The following PLPPR1 variants were observed in gnomAD, a reference collection of about 807,000 sequenced individuals.
PLPPR1 encodes the protein phospholipid phosphatase-related protein type 1.
PLPPR1 carries 10 observed loss-of-function variants against 33.1 expected under a neutral mutation model. The observed-to-expected ratio is 0.30, with a 90% CI of 0.19 to 0.51. PLPPR1 has a LOEUF of 0.51. Among genes scored for constraint, PLPPR1 ranks in the 20% least tolerant of loss-of-function variants. The pLI, the probability that PLPPR1 is intolerant of heterozygous loss-of-function variation, is 0.97. For missense variants in PLPPR1, 304 were observed against 408.1 expected, an observed-to-expected ratio of 0.74 and a Z score of 2.20; for synonymous variants, 151 against 151.0, an observed-to-expected ratio of 1.00 and a Z score of 0.00.
chr9:101,221,616 C>T (rs1294077359), intron 2 of PLPPR1, among the ~76,000 whole-genome samples: 4 of 152,108 alleles, frequency 2.6e-5, no homozygotes, highest in Non-Finnish European at 5.9e-5. Flanking sequence ...TTTCTACAAC[C>T]ACCCTGAGGT....
intron 3 of PLPPR1, among the ~76,000 whole-genome samples, chr9:101,282,577 AAG>A (rs1190665323): frequency 6.6e-6 from 1 of 152,240 alleles, no homozygotes; most frequent in African/African-American, 2.4e-5. Context: ...TGGCAAGAGA[AAG>A]AAAGAAAAGG....
Position 101,028,912 on chromosome 9 carries a change from C to A in PLPPR1, c.-236C>A, listed in dbSNP as rs1829902434. 1 of 150,616 alleles carries A rather than the reference C, an allele frequency of 6.6e-6. No individual in the cohort carries two copies. The highest frequency in any genetic ancestry group is 2.5e-5 in the African/African-American group (1 of 39,604). 9.3% of individuals were successfully genotyped at this position (150,616 alleles called of 1,614,324 possible). Reference sequence around the variant, plus strand: ...ACAAACACGGACACACACATACACACACTCGCGCACACACTCGCACAAACA... The same window carrying A: ...ACAAACACGGACACACACATACACAAACTCGCGCACACACTCGCACAAACA... On this transcript the variant is annotated 5_prime_UTR_variant, in exon 1 of 8. Transcript: ENST00000374874.
intron 1 of PLPPR1, among the ~76,000 whole-genome samples, chr9:101,136,875 C>T (rs1323201713): frequency 6.6e-6 from 1 of 151,964 alleles, no homozygotes; most frequent in Non-Finnish European, 1.5e-5. Flanking sequence ...AATATAGTTA[C>T]ATAGAATGAA....
rs896736599 is a variant in PLPPR1 at position 101,075,761 on chromosome 9, A to G, written c.-46+46659A>G. 9.8e-5 allele frequency among the ~76,000 whole-genome samples: 15 copies of G among 152,346 alleles called. No homozygotes were observed. In the Middle Eastern group the frequency reaches 0.01, roughly 104 times the overall value. On this transcript the variant is annotated intron_variant, in intron 1 of 7. Transcript: ENST00000374874. ...AATAAGCATATAAGCAATTAATGAT[A>G]GCGTACCTTCAGATAGAGATGAGTG...
intron 4 of PLPPR1, 94 bp downstream of exon 4, chr9:101,286,330 T>C (rs572384457): frequency 1.6e-6 from 2 of 1,242,394 alleles, no homozygotes; most frequent in South Asian, 3.6e-5. Flanking sequence ...AGTATCAACA[T>C]TAAAAGCAAG....
At chr9:101,193,414 G>A (rs1022292526) in intron 2 of PLPPR1, among the ~76,000 whole-genome samples, 2 of 152,186 alleles carry the variant, frequency 1.3e-5, no homozygotes, top group African/African-American at 4.8e-5. Flanking sequence ...AATCTCATAA[G>A]TATAAGATAT....
At chr9:101,194,883 T>G (rs1826368708) in intron 2 of PLPPR1, among the ~76,000 whole-genome samples, 2 of 152,222 alleles carry the variant, frequency 1.3e-5, no homozygotes, top group Admixed American at 1.3e-4. Flanking sequence ...AATACATATA[T>G]TGACCCAGGC....
At chr9:101,259,509 G>T (rs1827858707) in intron 2 of PLPPR1, among the ~76,000 whole-genome samples, 1 of 152,146 alleles carries the variant, frequency 6.6e-6, no homozygotes, top group Non-Finnish European at 1.5e-5. Context: ...AGATCAAAGA[G>T]CCAGCAGATT....
intron 7 of PLPPR1, among the ~76,000 whole-genome samples, chr9:101,320,000 C>T (rs1447767801): frequency 6.6e-6 from 1 of 152,182 alleles, no homozygotes; most frequent in African/African-American, 2.4e-5. Context: ...TCTTAATTCT[C>T]AGGGCCACTG....
In PLPPR1 at chr9:101,086,640, G is replaced by A. The variant is rs374736717; in HGVS notation, c.-46+57538G>A. Among the ~76,000 whole-genome samples, 12 of 152,276 alleles carry A rather than the reference G, an allele frequency of 7.9e-5. No individual in the cohort carries two copies. In the East Asian group the frequency reaches 1.4e-3, roughly 17 times the overall value. ...AATCTGAGACTCTCACCCAACATTT[G>A]TTCTAGTATCAGAGGTTTCAGTCAC... On this transcript the variant is annotated intron_variant, in intron 1 of 7. Coordinates refer to ENST00000374874, the MANE Select transcript of PLPPR1 (RefSeq NM_207299.2).
intron 1 of PLPPR1, among the ~76,000 whole-genome samples, chr9:101,108,314 G>T (rs1377280952): frequency 2.0e-5 from 3 of 152,184 alleles, no homozygotes; most frequent in African/African-American, 7.2e-5. Flanking sequence ...ACCAGGAGTT[G>T]TCAGATAGTA....
chr9:101,093,172 A>G (rs1257175219), intron 1 of PLPPR1, among the ~76,000 whole-genome samples: 1 of 152,218 alleles, frequency 6.6e-6, no homozygotes, highest in Non-Finnish European at 1.5e-5. Flanking sequence ...TTTGATAAGA[A>G]TAACAATAGC....
chr9:101,280,944 AGAAG>A lies in PLPPR1; in HGVS notation c.253-5156_253-5153del, dbSNP rs1253502154. ...TAGAGCAATCAGACAAAAGAAAGAA[AGAAG>A]GAACATCCAAATTGGACAGGAAGTC... is the stretch of plus-strand genomic sequence containing the variant. On this transcript the variant is annotated intron_variant, in intron 3 of 7. Coordinates refer to ENST00000374874, the MANE Select transcript of PLPPR1 (RefSeq NM_207299.2). Among the ~76,000 whole-genome samples the A allele has an allele frequency of 3.9e-5, 6 of 152,270 alleles. No homozygotes were observed. In the East Asian group the frequency reaches 1.2e-3, roughly 29 times the overall value.
At chr9:101,224,636 A>G (rs1827023844) in intron 2 of PLPPR1, among the ~76,000 whole-genome samples, 1 of 152,108 alleles carries the variant, frequency 6.6e-6, no homozygotes, top group African/African-American at 2.4e-5. Context: ...TTCAAATAAC[A>G]TTGCTTCATT....
chr9:101,286,065 G>T, intron 3 of PLPPR1, 39 bp from the exon 4 acceptor site: 1 of 1,586,196 alleles, frequency 6.3e-7, no homozygotes, highest in Non-Finnish European at 8.6e-7. Context: ...TTATCAAACA[G>T]ATCTCCAACT....
intron 2 of PLPPR1, among the ~76,000 whole-genome samples, chr9:101,258,398 A>C: frequency 6.6e-6 from 1 of 152,140 alleles, no homozygotes; most frequent in East Asian, 1.9e-4. Context: ...CTTCATCTTT[A>C]TATTTCTCTC....
At chr9:101,300,668 A>C (rs1159928893) in intron 4 of PLPPR1, among the ~76,000 whole-genome samples, 1 of 152,220 alleles carries the variant, frequency 6.6e-6, no homozygotes, top group Non-Finnish European at 1.5e-5. Context: ...GGAATCACAA[A>C]AGCCGAATTT....
intron 1 of PLPPR1, among the ~76,000 whole-genome samples, chr9:101,111,104 A>G (rs554822482): frequency 2.5e-4 from 38 of 152,286 alleles, no homozygotes; most frequent in Non-Finnish European, 4.0e-4. Flanking sequence ...AGTGTAACTA[A>G]ATATCTAAAA....
intron 2 of PLPPR1, among the ~76,000 whole-genome samples, chr9:101,224,090 T>C (rs1334784864): frequency 1.3e-5 from 2 of 152,076 alleles, no homozygotes; most frequent in African/African-American, 4.8e-5. Context: ...CCCTCAAGCC[T>C]CCCTAGGGGA....
Sources: allele counts gnomAD v4.1 joint callset (sites outside exome capture counted in the v4.1 genomes callset), GRCh38; gene constraint gnomAD v4.1.1; transcripts MANE v1.5; gene names NCBI Gene and HGNC (gene_info 2026-07-23, HGNC 2026-07-21).